The following SLC43A2 variants were observed in gnomAD, a reference collection of about 807,000 sequenced individuals.
The protein encoded by SLC43A2 is solute carrier family 43 member 2.
Under a neutral mutation model 63.2 loss-of-function variants are expected in SLC43A2, and 38 were observed. The observed-to-expected ratio is 0.60, with a 90% CI of 0.46 to 0.79. SLC43A2 has a LOEUF of 0.79. SLC43A2 is among the 30% of genes least tolerant of loss of function. The probability of loss-of-function intolerance (pLI) is 0.00; values close to 1 mark genes in which losing one functional copy is unlikely to be tolerated. For synonymous variants in SLC43A2, 322 were observed against 331.0 expected (o/e 0.97, Z 0.30); for missense variants, 644 against 756.2 (o/e 0.85, Z 1.74).
intron 13 of SLC43A2, 37 bp downstream of exon 13, chr17:1,576,560 A>G: frequency 6.4e-7 from 1 of 1,572,054 alleles, no homozygotes. Context: ...AGAAGGGGGC[A>G]GGCGCCCATG....
intron 5 of SLC43A2, among the ~76,000 whole-genome samples, chr17:1,603,988 G>A (rs747252005): frequency 2.0e-5 from 3 of 152,112 alleles, no homozygotes; most frequent in Non-Finnish European, 2.9e-5. Flanking sequence ...TTTTACATGT[G>A]CCTTATTAAG....
intron 9 of SLC43A2, chr17:1,586,857 A>G: frequency 7.1e-7 from 1 of 1,401,728 alleles, no homozygotes; most frequent in African/African-American, 1.4e-5. Flanking sequence ...GCATGTCTGG[A>G]GCTTGAGGTG....
chr17:1,600,494 G>A (rs1015467432), intron 5 of SLC43A2, among the ~76,000 whole-genome samples: 28 of 148,714 alleles, frequency 1.9e-4, no homozygotes, highest in East Asian at 2.0e-4. Context: ...TGTGCTCTAA[G>A]GTGAGCAAAA....
chr17:1,613,351 G>C, intron 4 of SLC43A2, 80 bp from the exon 5 acceptor site: 2 of 1,287,782 alleles, frequency 1.6e-6, no homozygotes, highest in South Asian at 2.4e-5. Context: ...AGTCCTGCGC[G>C]GTGCAGGCTC....
intron 2 of SLC43A2, among the ~76,000 whole-genome samples, chr17:1,619,699 G>A (rs778090755): frequency 2.6e-5 from 4 of 152,214 alleles, no homozygotes; most frequent in Non-Finnish European, 2.9e-5. Context: ...TGTCAGCTCT[G>A]CCAGCAGCAA....
chr17:1,581,865 G>A (rs1465592508), intron 11 of SLC43A2, among the ~76,000 whole-genome samples: 1 of 151,458 alleles, frequency 6.6e-6, no homozygotes, highest in Non-Finnish European at 1.5e-5. Context: ...GAGTGCAGTG[G>A]CGCAATCTCG....
chr17:1,576,868 T>G (rs545695873), intron 12 of SLC43A2, 148 bp from the exon 13 acceptor site: 46 of 961,162 alleles, frequency 4.8e-5, no homozygotes, highest in Admixed American at 1.3e-4. Context: ...GTTCTGTTTT[T>G]TTTTTTTTTT....
intron 8 of SLC43A2, among the ~76,000 whole-genome samples, 155 bp downstream of exon 8, chr17:1,591,114 G>A (rs573861395): frequency 2.0e-5 from 3 of 152,240 alleles, no homozygotes; most frequent in East Asian, 1.9e-4. Context: ...GTGAAATCAG[G>A]CAAATCCCTT....
chr17:1,629,183 C>A (rs966701259), upstream of SLC43A2, among the ~76,000 whole-genome samples: 2 of 151,918 alleles, frequency 1.3e-5, no homozygotes, highest in Non-Finnish European at 2.9e-5. Context: ...GGACTCCCCC[C>A]AGAAGCCGCC....
At chr17:1,596,934 A>C (rs1396056371) in intron 5 of SLC43A2, among the ~76,000 whole-genome samples, 1 of 152,206 alleles carries the variant, frequency 6.6e-6, no homozygotes, top group Admixed American at 6.6e-5. Context: ...AGTCACAGTG[A>C]GGCCAGGCGC....
Position 1,575,316 on chromosome 17 carries a change from T to G in SLC43A2, c.*288A>C. ...CGGGAGAGCGCCTGCCTGCCGGGCG[T>G]TCCTGGCTCCTGCTGCAGGCACCAC... On this transcript the variant is annotated 3_prime_UTR_variant, in exon 14 of 14. Coordinates refer to ENST00000301335, the MANE Select transcript of SLC43A2 (RefSeq NM_152346.3). 1 of 500,404 alleles carries G rather than the reference T, an allele frequency of 2.0e-6. No homozygotes were observed. Among genetic ancestry groups the G allele is most frequent in the South Asian group, 2.3e-5 (1 of 44,392 alleles). 31.0% of individuals were successfully genotyped at this position (500,404 alleles called of 1,614,324 possible). A position where few individuals can be genotyped will look rare whatever the true frequency, so the allele number is the denominator to read the frequency against.
chr17:1,617,352 A>C (rs1214984684), intron 2 of SLC43A2, among the ~76,000 whole-genome samples: 1 of 151,724 alleles, frequency 6.6e-6, no homozygotes. Flanking sequence ...CTGCCTTCTC[A>C]AACATAGAAC....
In SLC43A2 at chr17:1,624,053, T is replaced by G. The variant is rs1288524795; in HGVS notation, c.160+3662A>C. ...TGGAATTATACGGGTTACACAGGTATGCGTGTGATGACTTGTTTCCTCTGC... is the reference window on the plus strand; with the variant it reads ...TGGAATTATACGGGTTACACAGGTAGGCGTGTGATGACTTGTTTCCTCTGC... On this transcript the variant is annotated intron_variant, in intron 2 of 13. Transcript: ENST00000301335. Among the ~76,000 whole-genome samples, 2 of 152,244 alleles carry G rather than the reference T, an allele frequency of 1.3e-5. 1 individual carries two copies. The highest frequency in any genetic ancestry group is 2.9e-5 in the Non-Finnish European group (2 of 68,044).
chr17:1,611,987 CAG>C (rs1218900590), intron 5 of SLC43A2, among the ~76,000 whole-genome samples: 1 of 152,004 alleles, frequency 6.6e-6, no homozygotes, highest in Non-Finnish European at 1.5e-5. Context: ...GTTTTTGAGA[CAG>C]AGTCTGGCTC....
chr17:1,582,014 A>T (rs1310106983), intron 11 of SLC43A2, among the ~76,000 whole-genome samples: 1 of 150,016 alleles, frequency 6.7e-6, no homozygotes, highest in East Asian at 2.0e-4. Flanking sequence ...ACCATTTTGG[A>T]TAGGCTAGTC....
rs2075826621 is a variant in SLC43A2, at chr17:1,570,221, G to C, written c.*5383C>G. The stretch of plus-strand genomic sequence containing the variant: ...ATTTTTGTATTTTTAGTAGAGTTGA[G>C]GTTTCACCATGTTGGTCAGGCTGGT... On this transcript the variant is annotated 3_prime_UTR_variant, in exon 14 of 14. Transcript: ENST00000301335. The C allele has an allele frequency of 6.6e-6, 1 of 151,826 alleles. No individual in the cohort carries two copies. The highest frequency in any genetic ancestry group is 2.1e-4 in the South Asian group (1 of 4,824). 9.4% of individuals were successfully genotyped at this position (151,826 alleles called of 1,614,324 possible).
chr17:1,626,710 G>T (rs1908697650), intron 2 of SLC43A2, among the ~76,000 whole-genome samples: 1 of 152,168 alleles, frequency 6.6e-6, no homozygotes, highest in Non-Finnish European at 1.5e-5. Context: ...AAGGCCTGCT[G>T]CTGGGGATTC....
intron 4 of SLC43A2, among the ~76,000 whole-genome samples, chr17:1,614,199 C>A (rs1188125991): frequency 6.6e-6 from 1 of 151,968 alleles, no homozygotes; most frequent in South Asian, 2.1e-4. Flanking sequence ...GCTGAGATTG[C>A]GCCATTGCAC....
At position 1,593,542 on chromosome 17, in the gene SLC43A2, T is replaced by C. The variant is rs1905016254; in HGVS notation, c.502-263A>G. Reference sequence around the variant, plus strand: ...TCCGGCTGGCAACCCTCCCTATCTCTCTGCTCCTGGCAGAGCCCAGGAGCC... The same window carrying C: ...TCCGGCTGGCAACCCTCCCTATCTCCCTGCTCCTGGCAGAGCCCAGGAGCC... On this transcript the variant is annotated intron_variant, in intron 5 of 13. Transcript: ENST00000301335. The surrounding 1 kb of genome is among the most constrained non-coding windows in gnomAD (Gnocchi z 5.3). Among the ~76,000 whole-genome samples the C allele has an allele frequency of 6.6e-6, 1 of 152,124 alleles. No homozygotes were observed. The highest frequency in any genetic ancestry group is 2.1e-4 in the South Asian group (1 of 4,820).
Sources: gnomAD v4.1 joint callset for allele counts (sites outside exome capture counted in the v4.1 genomes callset) on GRCh38, gnomAD v4.1.1 for gene constraint, Gnocchi (gnomAD v3.1) non-coding constraint, MANE v1.5 for transcripts, NCBI Gene and HGNC (gene_info 2026-07-23, HGNC 2026-07-21) for gene names.